Variants in GDPD5 observed in about 807,000 individuals in gnomAD.
The protein encoded by GDPD5 is glycerophosphodiester phosphodiesterase domain containing 5.
A neutral mutation model predicts 75.1 loss-of-function variants in GDPD5; 48 were observed. The observed-to-expected ratio is 0.64, with a 90% CI of 0.51 to 0.81. The LOEUF (loss-of-function observed/expected upper bound fraction) is 0.81, where lower values mean the gene tolerates loss of function less well. Among genes scored for constraint, GDPD5 ranks in the 40% least tolerant of loss-of-function variants. The pLI is 0.00. For missense variants in GDPD5, 706 were observed against 822.6 expected (o/e 0.86, Z 1.73); for synonymous variants, 336 against 339.0 (o/e 0.99, Z 0.10).
chr11:75,446,087 T>C (rs1002100746), intron 9 of GDPD5, among the ~76,000 whole-genome samples: 4 of 152,168 alleles, frequency 2.6e-5, no homozygotes, highest in Admixed American at 1.3e-4. Context: ...CCCACCCATC[T>C]CTGAATATCC....
chr11:75,463,226 A>G (rs1207857072), intron 3 of GDPD5, among the ~76,000 whole-genome samples: 1 of 152,192 alleles, frequency 6.6e-6, no homozygotes, highest in Non-Finnish European at 1.5e-5. Context: ...AGTGATCGGC[A>G]GTCTGTGAAG....
intron 6 of GDPD5, among the ~76,000 whole-genome samples, chr11:75,455,692 C>G (rs1949270160): frequency 1.3e-5 from 2 of 152,204 alleles, no homozygotes; most frequent in South Asian, 2.1e-4. Flanking sequence ...GGGAGCCAGG[C>G]TCTGGGGAAA....
chr11:75,467,331 G>T (rs73006153), intron 3 of GDPD5, among the ~76,000 whole-genome samples: 1,523 of 152,282 alleles, frequency 0.01, 20 homozygotes, highest in Non-Finnish European at 0.014. Flanking sequence ...GCATAATGAG[G>T]GTGGCTCACT....
intron 1 of GDPD5, 39 bp downstream of exon 1, chr11:75,525,171 G>C (rs965745372): frequency 3.9e-5 from 6 of 152,492 alleles, no homozygotes; most frequent in African/African-American, 1.4e-4. Flanking sequence ...GCCGCGATGG[G>C]GTCGGGGACC....
intron 6 of GDPD5, among the ~76,000 whole-genome samples, chr11:75,454,261 C>T (rs1371691526): frequency 6.6e-6 from 1 of 152,160 alleles, no homozygotes; most frequent in Non-Finnish European, 1.5e-5. Context: ...GTGAAAAATG[C>T]CGAATCTAAC....
chr11:75,483,135 C>A (rs900452816), intron 2 of GDPD5, among the ~76,000 whole-genome samples: 2 of 152,142 alleles, frequency 1.3e-5, no homozygotes, highest in African/African-American at 4.8e-5. Flanking sequence ...CAAGCTACGT[C>A]CCAGGGCTGC....
intron 3 of GDPD5, among the ~76,000 whole-genome samples, chr11:75,468,687 C>CA (rs1346294245): frequency 1.3e-5 from 2 of 152,132 alleles, no homozygotes; most frequent in East Asian, 1.9e-4. Flanking sequence ...ACGCCCCCCC[C>CA]CCGGGAGGTG....
At chr11:75,491,667 C>T (rs1950112252) in intron 1 of GDPD5, among the ~76,000 whole-genome samples, 1 of 152,204 alleles carries the variant, frequency 6.6e-6, no homozygotes, top group South Asian at 2.1e-4. Context: ...TGACCTTGGG[C>T]AAATTACTTA....
At chr11:75,439,494 C>T (rs1339530398) in intron 15 of GDPD5, 1 of 399,642 alleles carries the variant, frequency 2.5e-6, no homozygotes. Flanking sequence ...TGGGTGGGGG[C>T]CCCAGGCTGG....
chr11:75,470,910 T>C (rs1481148958), intron 3 of GDPD5, among the ~76,000 whole-genome samples: 1 of 152,206 alleles, frequency 6.6e-6, no homozygotes, highest in East Asian at 1.9e-4. Context: ...AAGGCAGCCC[T>C]TTCCCCCTTG....
At chr11:75,468,490 T>C (rs892312909) in intron 3 of GDPD5, among the ~76,000 whole-genome samples, 2 of 152,242 alleles carry the variant, frequency 1.3e-5, no homozygotes, top group Admixed American at 1.3e-4. Flanking sequence ...CTGGCAATAC[T>C]GGGTTTGAAT....
intron 4 of GDPD5, among the ~76,000 whole-genome samples, chr11:75,460,704 C>T (rs928832894): frequency 5.3e-5 from 8 of 152,102 alleles, no homozygotes; most frequent in African/African-American, 9.7e-5. Flanking sequence ...CCTTGGCCTC[C>T]CAACGTGCTG....
chr11:75,482,157 G>T (rs1382488206), intron 2 of GDPD5, among the ~76,000 whole-genome samples: 1 of 152,126 alleles, frequency 6.6e-6, no homozygotes, highest in African/African-American at 2.4e-5. Flanking sequence ...ACCCACCCAG[G>T]AATGGAAATT....
At chr11:75,510,651 AC>A (rs1453548448) in intron 1 of GDPD5, among the ~76,000 whole-genome samples, 1 of 137,234 alleles carries the variant, frequency 7.3e-6, no homozygotes, top group South Asian at 2.4e-4. Flanking sequence ...GAGCCCATCC[AC>A]CCCCACTCCC....
At chr11:75,504,226 A>T (rs960255978) in intron 1 of GDPD5, among the ~76,000 whole-genome samples, 6 of 152,176 alleles carry the variant, frequency 3.9e-5, no homozygotes, top group African/African-American at 1.4e-4. Flanking sequence ...CCTACTACTC[A>T]CTGCAAGTCT....
At chr11:75,465,955 G>T (rs996721000) in intron 3 of GDPD5, among the ~76,000 whole-genome samples, 2 of 152,256 alleles carry the variant, frequency 1.3e-5, no homozygotes, top group Non-Finnish European at 2.9e-5. Context: ...GAAGACCACA[G>T]GGGCCGGGAG....
At chr11:75,447,941 T>A (rs191787766) in intron 9 of GDPD5, among the ~76,000 whole-genome samples, 1 of 152,314 alleles carries the variant, frequency 6.6e-6, no homozygotes, top group African/African-American at 2.4e-5. Flanking sequence ...TGGGAGGGAC[T>A]GGGGTCAGCA....
intron 1 of GDPD5, among the ~76,000 whole-genome samples, chr11:75,519,046 G>C (rs1249680611): frequency 1.3e-5 from 2 of 152,106 alleles, no homozygotes; most frequent in Admixed American, 1.3e-4. Context: ...GAAGAGCTGA[G>C]CCTGTCAGAC....
intron 4 of GDPD5, among the ~76,000 whole-genome samples, chr11:75,458,753 G>A: frequency 6.6e-6 from 1 of 152,074 alleles, no homozygotes; most frequent in Non-Finnish European, 1.5e-5. Context: ...GAAGTGAGGT[G>A]AGATGCATGG....
Sources: gnomAD v4.1 joint callset for allele counts (sites outside exome capture counted in the v4.1 genomes callset) on GRCh38, gnomAD v4.1.1 for gene constraint, MANE v1.5 for transcripts, NCBI Gene and HGNC (gene_info 2026-07-23, HGNC 2026-07-21) for gene names.